The following TACR1 variants were observed in gnomAD, a reference collection of about 807,000 sequenced individuals.
TACR1 encodes the protein tachykinin receptor 1.
Under a neutral mutation model 35.8 loss-of-function variants are expected in TACR1, and 25 were observed. That is an observed-to-expected ratio of 0.70 (90% confidence interval 0.51 to 0.98). TACR1 has a LOEUF of 0.98. Ranked by LOEUF, TACR1 falls within the 50% of genes least tolerant of loss-of-function variation. The probability of loss-of-function intolerance (pLI) is 0.00; values close to 1 mark genes in which losing one functional copy is unlikely to be tolerated. For synonymous variants in TACR1, 195 were observed against 206.7 expected, an observed-to-expected ratio of 0.94 and a Z score of 0.48; for missense variants, 478 against 522.9, an observed-to-expected ratio of 0.91 and a Z score of 0.84.
intron 2 of TACR1, among the ~76,000 whole-genome samples, chr2:75,075,947 A>T (rs1158560630): frequency 1.3e-5 from 2 of 152,260 alleles, no homozygotes; most frequent in Admixed American, 6.5e-5. Flanking sequence ...TCTACATAAC[A>T]TGTCTTCAGT....
intron 2 of TACR1, among the ~76,000 whole-genome samples, chr2:75,080,859 C>T (rs1673075130): frequency 6.6e-6 from 1 of 152,052 alleles, no homozygotes; most frequent in South Asian, 2.1e-4. Flanking sequence ...TAGATTAGCA[C>T]ATACAAAAGA....
intron 2 of TACR1, among the ~76,000 whole-genome samples, chr2:75,061,522 C>T (rs1672673111): frequency 6.6e-6 from 1 of 152,036 alleles, no homozygotes; most frequent in African/African-American, 2.4e-5. Flanking sequence ...GATATGAAGC[C>T]CTCTGTACCT....
intron 1 of TACR1, among the ~76,000 whole-genome samples, chr2:75,143,696 A>G (rs1674453228): frequency 6.6e-6 from 1 of 152,260 alleles, no homozygotes; most frequent in South Asian, 2.1e-4. Context: ...AGGTTGGTGC[A>G]AAATAAAAGC....
intron 2 of TACR1, among the ~76,000 whole-genome samples, chr2:75,100,082 C>G (rs1673506009): frequency 6.6e-6 from 1 of 152,240 alleles, no homozygotes; most frequent in Middle Eastern, 3.4e-3. Flanking sequence ...CCATGCCACC[C>G]ACACCCCCAC....
Position 75,047,140 on chromosome 2 carries a change from C to A in TACR1, c.*2292G>T, listed in dbSNP as rs1331943064. The A allele has an allele frequency of 6.6e-6, 1 of 152,234 alleles. No homozygotes were observed. The highest frequency in any genetic ancestry group is 2.4e-5 in the African/African-American group (1 of 41,442). The allele number at this position is 152,234 out of a possible 1,614,324, so 9.4% of individuals were successfully genotyped here. ...CCACCCAACATTCCCTCTTACTATG[C>A]ACAGAGATGATACTGTTCAACCAAA... On this transcript the variant is annotated 3_prime_UTR_variant, in exon 5 of 5. Transcript: ENST00000305249.
intron 2 of TACR1, among the ~76,000 whole-genome samples, chr2:75,081,373 T>G (rs575123746): frequency 6.6e-6 from 1 of 152,142 alleles, no homozygotes; most frequent in Non-Finnish European, 1.5e-5. Flanking sequence ...GTGAAAAATC[T>G]GCAGGACCAA....
At chr2:75,178,432 G>A (rs1326930289) in intron 1 of TACR1, among the ~76,000 whole-genome samples, 1 of 151,790 alleles carries the variant, frequency 6.6e-6, no homozygotes, top group African/African-American at 2.4e-5. Flanking sequence ...TGATCTGCCC[G>A]CCTCAGCCTC....
At chr2:75,059,163 C>T (rs937625021) in intron 2 of TACR1, among the ~76,000 whole-genome samples, 1 of 152,172 alleles carries the variant, frequency 6.6e-6, no homozygotes, top group Non-Finnish European at 1.5e-5. Flanking sequence ...ATCCCAACCC[C>T]AATCCAGTGC....
chr2:75,087,521 A>G (rs1673211923), intron 2 of TACR1, among the ~76,000 whole-genome samples: 1 of 152,240 alleles, frequency 6.6e-6, no homozygotes, highest in Non-Finnish European at 1.5e-5. Context: ...GAAAGGCTGT[A>G]GAAGTGTAAA....
intron 2 of TACR1, among the ~76,000 whole-genome samples, chr2:75,107,286 T>G (rs1250360856): frequency 6.6e-6 from 1 of 151,990 alleles, no homozygotes; most frequent in Non-Finnish European, 1.5e-5. Flanking sequence ...TGAAAGATTT[T>G]AAGGTATCAC....
intron 1 of TACR1, among the ~76,000 whole-genome samples, chr2:75,180,464 T>G (rs1462099664): frequency 1.3e-5 from 2 of 152,192 alleles, no homozygotes; most frequent in Admixed American, 6.5e-5. Context: ...AAATCTGGTC[T>G]GGTTGTAGCA....
At chr2:75,173,564 C>A (rs899637283) in intron 1 of TACR1, among the ~76,000 whole-genome samples, 4 of 152,142 alleles carry the variant, frequency 2.6e-5, no homozygotes, top group Middle Eastern at 3.4e-3. Flanking sequence ...GAAGAAACAT[C>A]AAAAATGAAG....
At chr2:75,135,941 G>A (rs191320058) in intron 1 of TACR1, among the ~76,000 whole-genome samples, 2 of 152,230 alleles carry the variant, frequency 1.3e-5, no homozygotes, top group Non-Finnish European at 2.9e-5. Context: ...TTTCACCATC[G>A]TTTTGCAAAT....
At chr2:75,186,046 A>G (rs775933908) in intron 1 of TACR1, among the ~76,000 whole-genome samples, 13 of 152,190 alleles carry the variant, frequency 8.5e-5, no homozygotes, top group Non-Finnish European at 1.3e-4. Context: ...TGTATATGCT[A>G]TAGGACTATA....
intron 2 of TACR1, among the ~76,000 whole-genome samples, chr2:75,093,571 C>T (rs1400138905): frequency 6.6e-6 from 1 of 152,064 alleles, no homozygotes; most frequent in Non-Finnish European, 1.5e-5. Context: ...AGTCTGCAGC[C>T]CCTGAGCCCA....
intron 2 of TACR1, among the ~76,000 whole-genome samples, chr2:75,054,320 C>T (rs372630543): frequency 2.2e-4 from 34 of 152,288 alleles, no homozygotes; most frequent in Middle Eastern, 3.4e-3. Context: ...GTGAATTTAT[C>T]GGTATCAGAA....
At chr2:75,091,177 C>T (rs1478014480) in intron 2 of TACR1, among the ~76,000 whole-genome samples, 2 of 123,580 alleles carry the variant, frequency 1.6e-5, no homozygotes, top group Non-Finnish European at 3.2e-5. Flanking sequence ...CTGCAGTCCT[C>T]AATTTCTTAT....
chr2:75,112,340 G>A lies in TACR1; in HGVS notation c.584+8234C>T, dbSNP rs568897355. The stretch of plus-strand genomic sequence containing the variant: ...CTTGTTGTTTATTATTTTCTTGAAC[G>A]AGTTTTATCCATTAACTCTTTCAGA... On this transcript the variant is annotated intron_variant, in intron 2 of 4. Coordinates refer to ENST00000305249, the MANE Select transcript of TACR1 (RefSeq NM_001058.4). Among the ~76,000 whole-genome samples the A allele has an allele frequency of 1.2e-4, 18 of 151,946 alleles. No homozygotes were observed. The East Asian group carries it at 2.1e-3, about 18-fold the overall frequency.
At chr2:75,156,434 C>CG (rs779031687) in intron 1 of TACR1, 5 of 112,176 alleles carry the variant, frequency 4.5e-5, no homozygotes, top group Admixed American at 1.8e-4. Flanking sequence ...ACCAAAAATA[C>CG]AAAAAAAAAA....
Sources: gnomAD v4.1 joint callset for allele counts (sites outside exome capture counted in the v4.1 genomes callset) on GRCh38, gnomAD v4.1.1 for gene constraint, MANE v1.5 for transcripts, NCBI Gene and HGNC (gene_info 2026-07-23, HGNC 2026-07-21) for gene names.